Variants in SIK3 observed in about 807,000 individuals in gnomAD.
The protein encoded by SIK3 is serine/threonine-protein kinase SIK3.
In SIK3, 28 loss-of-function variants were observed where a neutral mutation model predicts 144.2. That is an observed-to-expected ratio of 0.19 (90% CI 0.14 to 0.27). SIK3 has a LOEUF of 0.27. Ranked by LOEUF, SIK3 falls within the 10% of genes least tolerant of loss-of-function variation. The pLI is 1.00. For missense variants in SIK3, 1,319 were observed against 1,776.0 expected, an observed-to-expected ratio of 0.74 and a Z score of 4.62; for synonymous variants, 686 against 676.3, an observed-to-expected ratio of 1.01 and a Z score of -0.22.
At chr11:116,847,741 A>G in intron 22 of SIK3, 133 bp from the exon 23 acceptor site, 5 of 1,026,156 alleles carry the variant, frequency 4.9e-6, no homozygotes, top group Non-Finnish European at 7.3e-6. Flanking sequence ...TCCTTCCTCT[A>G]AAGCACCACC....
intron 21 of SIK3, among the ~76,000 whole-genome samples, chr11:116,853,217 C>A (rs1027263287): frequency 1.3e-5 from 2 of 152,200 alleles, no homozygotes; most frequent in African/African-American, 4.8e-5. Flanking sequence ...GGTAAGAATG[C>A]TGACCCTGAG....
chr11:116,913,587 CT>C (rs11357208), intron 4 of SIK3, among the ~76,000 whole-genome samples: 24,306 of 152,120 alleles, frequency 0.16, 2,030 homozygotes, highest in African/African-American at 0.18. Context: ...TAATGAGACA[CT>C]TTCTACAACA....
At chr11:117,044,310 C>T (rs939395749) in intron 1 of SIK3, among the ~76,000 whole-genome samples, 2 of 152,088 alleles carry the variant, frequency 1.3e-5, no homozygotes, top group South Asian at 4.1e-4. Context: ...CTTATAAAAA[C>T]CCATCTCAGT....
At chr11:116,873,180 C>A (rs545074096) in intron 13 of SIK3, among the ~76,000 whole-genome samples, 1 of 152,238 alleles carries the variant, frequency 6.6e-6, no homozygotes, top group Non-Finnish European at 1.5e-5. Context: ...TAGGCTGCTA[C>A]CTGCCCCAAG....
intron 3 of SIK3, among the ~76,000 whole-genome samples, chr11:116,946,808 C>T (rs1948613447): frequency 6.6e-6 from 1 of 152,108 alleles, no homozygotes; most frequent in Non-Finnish European, 1.5e-5. Context: ...TCCACCTCTG[C>T]CATTTTATTA....
intron 4 of SIK3, among the ~76,000 whole-genome samples, chr11:116,925,021 G>A (rs1430039018): frequency 6.6e-6 from 1 of 152,066 alleles, no homozygotes; most frequent in Non-Finnish European, 1.5e-5. Context: ...GGACAGACAC[G>A]GTGGCTCCCA....
At chr11:116,937,553 T>C (rs969769929) in intron 3 of SIK3, among the ~76,000 whole-genome samples, 1 of 152,180 alleles carries the variant, frequency 6.6e-6, no homozygotes, top group African/African-American at 2.4e-5. Context: ...ATGGGATATA[T>C]CCTAAGAACA....
intron 1 of SIK3, among the ~76,000 whole-genome samples, chr11:117,090,055 A>G (rs1431138092): frequency 6.6e-6 from 1 of 152,226 alleles, no homozygotes; most frequent in Non-Finnish European, 1.5e-5. Flanking sequence ...GAACAGATCC[A>G]AAAGAAGTCT....
intron 1 of SIK3, among the ~76,000 whole-genome samples, chr11:117,057,985 T>C (rs1436051620): frequency 6.6e-6 from 1 of 152,128 alleles, no homozygotes; most frequent in African/African-American, 2.4e-5. Flanking sequence ...TAATCTACCT[T>C]TAGGCAAATG....
At chr11:117,078,704 G>T (rs1383566795) in intron 1 of SIK3, among the ~76,000 whole-genome samples, 2 of 151,916 alleles carry the variant, frequency 1.3e-5, no homozygotes, top group African/African-American at 4.8e-5. Flanking sequence ...CACCCGGCCT[G>T]AGAATTGTCA....
At chr11:116,951,510 A>C (rs1405609245) in intron 3 of SIK3, among the ~76,000 whole-genome samples, 2 of 152,288 alleles carry the variant, frequency 1.3e-5, no homozygotes, top group African/African-American at 4.8e-5. Context: ...TCAATGACAA[A>C]AGCCACAATT....
intron 3 of SIK3, among the ~76,000 whole-genome samples, chr11:116,933,845 T>G (rs1401618642): frequency 6.6e-6 from 1 of 152,218 alleles, no homozygotes; most frequent in Non-Finnish European, 1.5e-5. Context: ...TCCCAGCTCA[T>G]GACCTTTGAC....
chr11:116,897,124 G>A, intron 5 of SIK3, 69 bp downstream of exon 5: 1 of 1,506,508 alleles, frequency 6.6e-7, no homozygotes, highest in Non-Finnish European at 9.1e-7. Flanking sequence ...GTATCCTTCA[G>A]GATGCGAATA....
In SIK3 at chr11:116,897,226, T is replaced by C. The variant is rs930324886; in HGVS notation, c.708A>G (p.Gly236=). The C allele has an allele frequency of 1.2e-6, 2 of 1,613,960 alleles. No homozygotes were observed. The highest frequency in any genetic ancestry group is 1.7e-5 in the Admixed American group (1 of 59,996). Residue 236 remains glycine, a synonymous_variant, in exon 5 of 25, where the codon GGA becomes GGG. Coordinates refer to ENST00000445177, the MANE Select transcript of SIK3 (RefSeq NM_001366686.3). The stretch of plus-strand genomic sequence containing the variant: ...CCACTTTGGGCCCATCATATTCTTT[T>C]CCTTCAAAGAGTTCAGGTGCAGCAT... ...PPYAAPELFE[G]KEYDGPKVDI...
chr11:116,883,692 G>C (rs1220070917), intron 6 of SIK3, among the ~76,000 whole-genome samples: 3 of 152,198 alleles, frequency 2.0e-5, no homozygotes, highest in African/African-American at 7.2e-5. Flanking sequence ...CCAGCACTCT[G>C]GGAGCCCGAG....
chr11:116,958,842 C>T (rs1949238760), intron 1 of SIK3, among the ~76,000 whole-genome samples: 1 of 152,182 alleles, frequency 6.6e-6, no homozygotes, highest in Non-Finnish European at 1.5e-5. Flanking sequence ...CTTAACTCCA[C>T]AACTGGTCTA....
chr11:117,057,594 AG>A (rs1157473648), intron 1 of SIK3, among the ~76,000 whole-genome samples: 1 of 152,190 alleles, frequency 6.6e-6, no homozygotes, highest in African/African-American at 2.4e-5. Context: ...TCTGACCTCG[AG>A]GAGCTTAGAG....
chr11:116,875,542 T>C, intron 9 of SIK3, 91 bp from the exon 10 acceptor site: 3 of 1,384,926 alleles, frequency 2.2e-6, no homozygotes, highest in Non-Finnish European at 3.0e-6. Context: ...CTAAAGTCTA[T>C]GTTTCCCTGA....
intron 1 of SIK3, among the ~76,000 whole-genome samples, chr11:117,094,932 C>G (rs2929177): frequency 2.0e-5 from 3 of 152,054 alleles, no homozygotes. Flanking sequence ...CAGTGCCGCT[C>G]TAAGCACTGC....
Sources: gnomAD v4.1 joint callset for allele counts (sites outside exome capture counted in the v4.1 genomes callset) on GRCh38, gnomAD v4.1.1 for gene constraint, MANE v1.5 for transcripts, NCBI Gene and HGNC (gene_info 2026-07-23, HGNC 2026-07-21) for gene names.